The following CADM1 variants were observed in gnomAD, a reference collection of about 807,000 sequenced individuals.
CADM1 encodes the protein cell adhesion molecule 1.
A neutral mutation model predicts 53.1 loss-of-function variants in CADM1; 15 were observed. That is an observed-to-expected ratio of 0.28 (90% CI 0.19 to 0.44). The LOEUF is 0.44. CADM1 is among the 20% of genes least tolerant of loss of function. CADM1 has a pLI of 1.00. For synonymous variants in CADM1, 281 were observed against 243.0 expected (o/e 1.16, Z -1.45); for missense variants, 434 against 611.3 (o/e 0.71, Z 3.06).
Position 115,455,864 on chromosome 11 carries a change from C to A in CADM1, c.124+48407G>T, listed in dbSNP as rs1948673145. ...TGACAGCAGCGTGTTGCGTGCTCTG[C>A]ATTCTTATTTGGAAATGCCAATAAC... On this transcript the variant is annotated intron_variant, in intron 1 of 11. Transcript: ENST00000331581. 4.6e-5 allele frequency among the ~76,000 whole-genome samples: 7 copies of A among 152,270 alleles called. No homozygotes were observed. In the Middle Eastern group the frequency reaches 0.01, roughly 222 times the overall value.
At chr11:115,254,234 T>C (rs2134986757) in intron 1 of CADM1, among the ~76,000 whole-genome samples, 1 of 152,346 alleles carries the variant, frequency 6.6e-6, no homozygotes, top group Non-Finnish European at 1.5e-5. Context: ...ATAAAATTAC[T>C]AAATGATAAG....
At chr11:115,296,690 A>C (rs1435988383) in intron 1 of CADM1, among the ~76,000 whole-genome samples, 1 of 152,198 alleles carries the variant, frequency 6.6e-6, no homozygotes, top group African/African-American at 2.4e-5. Context: ...GAACTACATA[A>C]ATCCCTTTTC....
chr11:115,210,877 T>C (rs970807752), intron 7 of CADM1, among the ~76,000 whole-genome samples: 2 of 152,206 alleles, frequency 1.3e-5, no homozygotes, highest in African/African-American at 4.8e-5. Context: ...CTTTTAATTT[T>C]CCTCACAAAT....
At chr11:115,477,962 G>A (rs546993647) in intron 1 of CADM1, among the ~76,000 whole-genome samples, 3 of 152,236 alleles carry the variant, frequency 2.0e-5, no homozygotes, top group East Asian at 3.9e-4. Flanking sequence ...AAGAGGTTTT[G>A]GATAAGAGGT....
chr11:115,452,712 GAAT>G (rs750812681), intron 1 of CADM1, among the ~76,000 whole-genome samples: 1 of 152,136 alleles, frequency 6.6e-6, no homozygotes, highest in African/African-American at 2.4e-5. Flanking sequence ...CAACTTGGAA[GAAT>G]AATAGAATAA....
chr11:115,433,841 T>C (rs1948116574), intron 1 of CADM1, among the ~76,000 whole-genome samples: 1 of 152,190 alleles, frequency 6.6e-6, no homozygotes, highest in African/African-American at 2.4e-5. Context: ...AGGATGCCTT[T>C]TATGTTGTTC....
At chr11:115,310,442 ACCC>A (rs951796499) in intron 1 of CADM1, among the ~76,000 whole-genome samples, 16 of 152,040 alleles carry the variant, frequency 1.1e-4, no homozygotes, top group African/African-American at 3.6e-4. Context: ...ATCTAGCAGC[ACCC>A]CCCAACTCTG....
rs1388191819 is a variant in CADM1 at position 115,176,509 on chromosome 11, T to C, written c.1381A>G (p.Asn461Asp). 1.2e-6 allele frequency: 2 copies of C among 1,614,130 alleles called. No individual in the cohort carries two copies. The highest frequency in any genetic ancestry group is 1.7e-6 in the Non-Finnish European group (2 of 1,179,984). ...TAIINAEGGQ[N>D]NSEEKKEYFI is the part of the protein sequence containing the mutation. The stretch of plus-strand genomic sequence containing the variant: ...TACTCTTTCTTTTCTTCGGAGTTGT[T>C]CTGTCCTCCTTCTGCATTGATTATA... Residue 461 changes from asparagine to aspartate, a missense_variant, in exon 12 of 12, where the codon AAC becomes GAC. Physicochemically the swap from Asn to Asp is conservative, Grantham distance 23. Transcript: ENST00000331581.
chr11:115,439,541 G>A (rs967314159), intron 1 of CADM1, among the ~76,000 whole-genome samples: 1 of 152,216 alleles, frequency 6.6e-6, no homozygotes, highest in Non-Finnish European at 1.5e-5. Flanking sequence ...GACGTGTGCT[G>A]TTGACAGACT....
intron 1 of CADM1, among the ~76,000 whole-genome samples, chr11:115,405,293 T>C (rs1947285890): frequency 6.6e-6 from 1 of 152,246 alleles, no homozygotes; most frequent in Middle Eastern, 3.4e-3. Context: ...TTCACTACCA[T>C]CAAATCAATG....
At chr11:115,386,969 C>A (rs1946715396) in intron 1 of CADM1, among the ~76,000 whole-genome samples, 1 of 152,088 alleles carries the variant, frequency 6.6e-6, no homozygotes, top group Non-Finnish European at 1.5e-5. Context: ...AATATAAAAA[C>A]AACAACAACA....
At chr11:115,353,319 C>T (rs1484970717) in intron 1 of CADM1, among the ~76,000 whole-genome samples, 1 of 152,184 alleles carries the variant, frequency 6.6e-6, no homozygotes, top group Admixed American at 6.5e-5. Flanking sequence ...GAATACTTTA[C>T]ATCTGCATTG....
chr11:115,198,590 A>T (rs148734502), intron 8 of CADM1, 152 bp from the exon 9 acceptor site: 1 of 666,294 alleles, frequency 1.5e-6, no homozygotes, highest in East Asian at 2.8e-5. Flanking sequence ...AAAAGCAAAA[A>T]GCATTTGAAG....
At chr11:115,209,732 C>A in intron 7 of CADM1, 75 bp from the exon 8 acceptor site, 1 of 1,559,378 alleles carries the variant, frequency 6.4e-7, no homozygotes, top group Non-Finnish European at 8.7e-7. Flanking sequence ...AAAACAAAGG[C>A]ATGAGGACAT....
At chr11:115,176,872 G>C (rs954724670) in intron 11 of CADM1, among the ~76,000 whole-genome samples, 5 of 152,186 alleles carry the variant, frequency 3.3e-5, no homozygotes, top group Admixed American at 1.3e-4. Flanking sequence ...AGACGTGAGT[G>C]GGAGCTAAAA....
In CADM1 at chr11:115,174,332, T is replaced by C. The variant is rs1035369824; in HGVS notation, c.*2142A>G. On this transcript the variant is annotated 3_prime_UTR_variant, in exon 12 of 12. Transcript: ENST00000331581. Reference sequence around the variant, plus strand: ...AAAAAGAACAACTGAAAAAAAACCTTTCAACAACATGCTAAATGATTCTCA... The same window carrying C: ...AAAAAGAACAACTGAAAAAAAACCTCTCAACAACATGCTAAATGATTCTCA... 2.0e-6 allele frequency: 2 copies of C among 985,368 alleles called. No homozygotes were observed. Among genetic ancestry groups the C allele is most frequent in the African/African-American group, 3.5e-5 (2 of 57,216 alleles). The allele number at this position is 985,368 out of a possible 1,614,324, so 61.0% of individuals were successfully genotyped here. A position where few individuals can be genotyped will look rare whatever the true frequency, so the allele number is the denominator to read the frequency against.
At position 115,501,915 on chromosome 11, in the gene CADM1, A is replaced by G. The variant is rs538505331; in HGVS notation, c.124+2356T>C. Among the ~76,000 whole-genome samples, 4 of 152,304 alleles carry G rather than the reference A, an allele frequency of 2.6e-5. No homozygotes were observed. In the East Asian group the frequency reaches 7.7e-4, roughly 29 times the overall value. The stretch of plus-strand genomic sequence containing the variant: ...CAAACTCACCACGAAATATATATAT[A>G]TGCATTAAGAGAAAAAAATTAAGAA... On this transcript the variant is annotated intron_variant, in intron 1 of 11. Transcript: ENST00000331581.
At chr11:115,181,135 C>G (rs186079751) in intron 10 of CADM1, among the ~76,000 whole-genome samples, 9 of 132,738 alleles carry the variant, frequency 6.8e-5, no homozygotes, top group Middle Eastern at 5.3e-3. Context: ...CCTCTCCATG[C>G]CTAGACACAG....
intron 1 of CADM1, among the ~76,000 whole-genome samples, chr11:115,417,604 C>T (rs904817079): frequency 6.6e-6 from 1 of 152,288 alleles, no homozygotes; most frequent in South Asian, 2.1e-4. Context: ...ATAACCAAGA[C>T]GGCTAGTGAG....
Sources: allele counts gnomAD v4.1 joint callset (sites outside exome capture counted in the v4.1 genomes callset), GRCh38; gene constraint gnomAD v4.1.1; transcripts MANE v1.5; gene names NCBI Gene and HGNC (gene_info 2026-07-23, HGNC 2026-07-21).